The following IL1RAPL2 variants were observed in gnomAD, a reference collection of about 807,000 sequenced individuals.
IL1RAPL2 encodes the protein interleukin 1 receptor accessory protein like 2, also known as X-linked interleukin-1 receptor accessory protein-like 2.
IL1RAPL2 carries 3 observed loss-of-function variants against 44.1 expected under a neutral mutation model. That is an observed-to-expected ratio of 0.07 (90% CI 0.03 to 0.18). IL1RAPL2 has a LOEUF of 0.18. IL1RAPL2 is among the 10% of genes least tolerant of loss of function. The pLI, the probability that IL1RAPL2 is intolerant of heterozygous loss-of-function variation, is 1.00. For synonymous variants in IL1RAPL2, 181 were observed against 178.8 expected, an observed-to-expected ratio of 1.01 and a Z score of -0.10; for missense variants, 391 against 496.4, an observed-to-expected ratio of 0.79 and a Z score of 2.02.
At chrX:105,145,104 G>A (rs2033167777) in intron 2 of IL1RAPL2, among the ~76,000 whole-genome samples, 1 of 111,551 alleles carries the variant, frequency 9.0e-6, no homozygotes, top group Admixed American at 9.5e-5. Context: ...TCCTATTTTG[G>A]TGAATAAGAA....
intron 2 of IL1RAPL2, among the ~76,000 whole-genome samples, chrX:104,765,889 C>T (rs896793265): frequency 4.5e-5 from 5 of 112,112 alleles, no homozygotes; most frequent in Admixed American, 1.9e-4. Context: ...TCAGGGATAC[C>T]CCCTGAAAAA....
intron 6 of IL1RAPL2, among the ~76,000 whole-genome samples, chrX:105,630,500 CTTTTTTT>C (rs369815453): frequency 1.1e-5 from 1 of 92,763 alleles, no homozygotes; most frequent in Non-Finnish European, 2.1e-5. Flanking sequence ...AAATTCAGAG[CTTTTTTT>C]TTTTTTTTTA....
chrX:105,033,992 A>C (rs965726182), intron 2 of IL1RAPL2, among the ~76,000 whole-genome samples: 1 of 111,601 alleles, frequency 9.0e-6, no homozygotes, highest in Admixed American at 9.6e-5. Flanking sequence ...CATCACAGAT[A>C]CCCTTTCTTC....
chrX:105,398,634 A>G (rs1015232447), intron 5 of IL1RAPL2, among the ~76,000 whole-genome samples: 5 of 111,548 alleles, frequency 4.5e-5, no homozygotes, highest in Non-Finnish European at 9.4e-5. Flanking sequence ...TTGGAAATGA[A>G]CCAACATGCT....
chrX:105,016,096 A>G (rs2031169679), intron 2 of IL1RAPL2, among the ~76,000 whole-genome samples: 1 of 111,360 alleles, frequency 9.0e-6, no homozygotes, highest in Non-Finnish European at 1.9e-5. Context: ...GAGTTCACTC[A>G]TGATCTGGCT....
intron 6 of IL1RAPL2, among the ~76,000 whole-genome samples, chrX:105,502,094 A>C (rs1452063623): frequency 8.9e-6 from 1 of 112,311 alleles, no homozygotes; most frequent in African/African-American, 3.2e-5. Flanking sequence ...TGTCTAAAAC[A>C]AAAGCATTCT....
intron 2 of IL1RAPL2, among the ~76,000 whole-genome samples, chrX:104,689,757 G>A (rs1311301475): frequency 8.9e-6 from 1 of 111,756 alleles, no homozygotes; most frequent in Non-Finnish European, 1.9e-5. Flanking sequence ...TTAATGGTTG[G>A]GAAATTAAGC....
chrX:105,267,628 C>T (rs747809836), intron 5 of IL1RAPL2, 87 bp downstream of exon 5: 2 of 709,056 alleles, frequency 2.8e-6, no homozygotes, highest in Admixed American at 6.9e-5. Flanking sequence ...AAAGAGTCAA[C>T]TTTCTGTGAA....
At chrX:104,591,891 A>C (rs1928672941) in intron 1 of IL1RAPL2, among the ~76,000 whole-genome samples, 1 of 110,261 alleles carries the variant, frequency 9.1e-6, no homozygotes, top group Non-Finnish European at 1.9e-5. Context: ...CTGGGAGCGT[A>C]TCTCATTTAT....
At chrX:104,648,476 T>C (rs1187345453) in intron 1 of IL1RAPL2, among the ~76,000 whole-genome samples, 1 of 112,516 alleles carries the variant, frequency 8.9e-6, no homozygotes, top group Admixed American at 9.4e-5. Context: ...TATAATGTCA[T>C]AAACAGAATA....
intron 2 of IL1RAPL2, among the ~76,000 whole-genome samples, chrX:104,841,091 T>C (rs903546553): frequency 1.3e-4 from 15 of 111,718 alleles, no homozygotes; most frequent in African/African-American, 4.9e-4. Context: ...TGCATATATA[T>C]TTAGGATAGT....
At chrX:104,770,929 C>G (rs764078721) in intron 2 of IL1RAPL2, among the ~76,000 whole-genome samples, 2 of 111,411 alleles carry the variant, frequency 1.8e-5, no homozygotes, top group Non-Finnish European at 3.8e-5. Flanking sequence ...TGGAGATTCA[C>G]TTATTTTGAT....
chrX:105,082,616 C>T (rs1312758748), intron 2 of IL1RAPL2, among the ~76,000 whole-genome samples: 1 of 111,455 alleles, frequency 9.0e-6, no homozygotes, highest in African/African-American at 3.3e-5. Context: ...AGGCAGCAAT[C>T]TTTGCTGTTC....
At chrX:105,262,241 A>G (rs1448888676) in intron 4 of IL1RAPL2, among the ~76,000 whole-genome samples, 1 of 111,558 alleles carries the variant, frequency 9.0e-6, no homozygotes, top group Non-Finnish European at 1.9e-5. Flanking sequence ...TTGTGAGGAT[A>G]GTATTGATGA....
intron 2 of IL1RAPL2, among the ~76,000 whole-genome samples, chrX:104,946,645 T>G (rs1310878527): frequency 2.1e-5 from 2 of 93,695 alleles, no homozygotes; most frequent in African/African-American, 7.8e-5. Context: ...AATTCCCACC[T>G]ATGAGTGAGA....
At chrX:104,792,166 C>T (rs1239391340) in intron 2 of IL1RAPL2, among the ~76,000 whole-genome samples, 1 of 110,771 alleles carries the variant, frequency 9.0e-6, no homozygotes, top group African/African-American at 3.3e-5. Flanking sequence ...AAGGGACTAG[C>T]CTAACAGAAA....
At chrX:105,069,477 T>G (rs2032179526) in intron 2 of IL1RAPL2, among the ~76,000 whole-genome samples, 1 of 112,400 alleles carries the variant, frequency 8.9e-6, no homozygotes, top group Non-Finnish European at 1.9e-5. Context: ...TTTAGTTTGA[T>G]TCTACGAAAA....
intron 2 of IL1RAPL2, among the ~76,000 whole-genome samples, chrX:104,719,198 T>A (rs1451571702): frequency 1.8e-5 from 2 of 112,417 alleles, no homozygotes; most frequent in Non-Finnish European, 3.8e-5. Flanking sequence ...ACATTTTGTA[T>A]CTAATTATAT....
chrX:105,014,452 A>C (rs937270744), intron 2 of IL1RAPL2, among the ~76,000 whole-genome samples: 1 of 110,458 alleles, frequency 9.1e-6, no homozygotes, highest in African/African-American at 3.3e-5. Flanking sequence ...TCCTAATGCT[A>C]TCCCTCCCCT....
Sources: allele counts gnomAD v4.1 joint callset (sites outside exome capture counted in the v4.1 genomes callset), GRCh38; gene constraint gnomAD v4.1.1; transcripts MANE v1.5; gene names NCBI Gene and HGNC (gene_info 2026-07-23, HGNC 2026-07-21).